Variants in DISP1 observed in about 807,000 individuals in gnomAD.
DISP1 encodes the protein protein dispatched homolog 1.
A neutral mutation model predicts 37.3 loss-of-function variants in DISP1; 30 were observed. That is an observed-to-expected ratio of 0.80 (90% CI 0.60 to 1.09). The LOEUF is 1.09. Among genes scored for constraint, DISP1 ranks in the 50% least tolerant of loss-of-function variants. The pLI is 0.00. For synonymous variants in DISP1, 634 were observed against 690.2 expected, an observed-to-expected ratio of 0.92 and a Z score of 1.28; for missense variants, 1,598 against 1,879.5, an observed-to-expected ratio of 0.85 and a Z score of 2.77.
At chr1:223,001,897 A>G (rs1679481358) in intron 8 of DISP1, among the ~76,000 whole-genome samples, 1 of 152,244 alleles carries the variant, frequency 6.6e-6, no homozygotes, top group Non-Finnish European at 1.5e-5. Context: ...TGACTGAAAT[A>G]TAGTACTTTA....
intron 5 of DISP1, among the ~76,000 whole-genome samples, 178 bp downstream of exon 5, chr1:222,990,926 A>G (rs1278643179): frequency 6.6e-6 from 1 of 152,228 alleles, no homozygotes; most frequent in Non-Finnish European, 1.5e-5. Context: ...TTAAAAGGTC[A>G]AGGAACTTGT....
At chr1:222,834,620 T>C (rs1666571961) in intron 1 of DISP1, among the ~76,000 whole-genome samples, 1 of 152,218 alleles carries the variant, frequency 6.6e-6, no homozygotes, top group South Asian at 2.1e-4. Context: ...TAAAAAATGG[T>C]ACCTTGTTTA....
intron 3 of DISP1, among the ~76,000 whole-genome samples, chr1:222,946,257 G>A (rs953070979): frequency 6.6e-5 from 10 of 150,912 alleles, no homozygotes; most frequent in Non-Finnish European, 1.3e-4. Flanking sequence ...GGTGGCGGGC[G>A]CCTGTAGTCC....
intron 1 of DISP1, among the ~76,000 whole-genome samples, chr1:222,839,943 A>T (rs1667486092): frequency 6.7e-6 from 1 of 148,270 alleles, no homozygotes; most frequent in South Asian, 2.1e-4. Context: ...AAAAAAAAAA[A>T]TGCATTTAGT....
chr1:222,960,841 T>A (rs1380608624), intron 3 of DISP1, among the ~76,000 whole-genome samples: 2 of 152,120 alleles, frequency 1.3e-5, no homozygotes, highest in African/African-American at 4.8e-5. Context: ...TAAACACCTC[T>A]ACACAAATAA....
At chr1:222,943,622 AT>A (rs1674545473) in intron 3 of DISP1, 3 of 466,266 alleles carry the variant, frequency 6.4e-6, no homozygotes, top group Non-Finnish European at 1.2e-5. Flanking sequence ...AAAAAGTTTT[AT>A]TGTTAGCAAT....
intron 1 of DISP1, among the ~76,000 whole-genome samples, chr1:222,879,510 T>C (rs1670156778): frequency 6.6e-6 from 1 of 152,160 alleles, no homozygotes; most frequent in Non-Finnish European, 1.5e-5. Context: ...ATAAAGAATA[T>C]TCATATATCA....
At chr1:222,844,562 C>A (rs1026380241) in intron 1 of DISP1, among the ~76,000 whole-genome samples, 1 of 152,058 alleles carries the variant, frequency 6.6e-6, no homozygotes, top group Non-Finnish European at 1.5e-5. Flanking sequence ...AGTGTTGTAA[C>A]TGAAACAAAA....
rs149481183 is a variant in DISP1 at position 222,917,287 on chromosome 1, C to T, written c.-158-11143C>T. Among the ~76,000 whole-genome samples, 1,076 of 152,244 alleles carry T rather than the reference C, an allele frequency of 7.1e-3. 8 individuals are homozygous for T. The highest frequency in any genetic ancestry group is 0.017 in the Middle Eastern group (5 of 294). ...TAACCGTAGTAACTGTGGCAAACTG[C>T]GGCAAGTGGCACCCAAACAGGGGCG... On this transcript the variant is annotated intron_variant, in intron 1 of 8. Transcript: ENST00000675850.
chr1:222,884,148 T>A (rs1409348684), intron 1 of DISP1, among the ~76,000 whole-genome samples: 5 of 152,172 alleles, frequency 3.3e-5, no homozygotes, highest in Non-Finnish European at 7.3e-5. Context: ...TCCCTTGAAA[T>A]TCTTATCCCT....
In DISP1 at chr1:222,901,497, TTTTG is replaced by T. The variant is rs371215213; in HGVS notation, c.-158-26913_-158-26910del. The stretch of plus-strand genomic sequence containing the variant: ...AGCTGAGGATGTAATACTTATAGAT[TTTTG>T]TTTGTTTGTTTGTTTGTTTTTTTGT... On this transcript the variant is annotated intron_variant, in intron 1 of 8. Transcript: ENST00000675850. Among the ~76,000 whole-genome samples, 1,074 of 151,846 alleles carry T rather than the reference TTTTG, an allele frequency of 7.1e-3. 8 individuals carry two copies. The highest frequency in any genetic ancestry group is 0.024 in the African/African-American group (974 of 41,420).
chr1:222,822,620 G>A (rs1663216074), intron 1 of DISP1, among the ~76,000 whole-genome samples: 1 of 151,470 alleles, frequency 6.6e-6, no homozygotes, highest in African/African-American at 2.5e-5. Context: ...AGCTAGAACA[G>A]CTTCATATAT....
chr1:222,989,783 G>C (rs1026772457), intron 4 of DISP1, among the ~76,000 whole-genome samples: 3 of 145,732 alleles, frequency 2.1e-5, no homozygotes, highest in Non-Finnish European at 4.5e-5. Context: ...AAAGTTACAG[G>C]TTTATGGGAA....
intron 3 of DISP1, among the ~76,000 whole-genome samples, chr1:222,961,498 C>T (rs1166685662): frequency 6.6e-6 from 1 of 152,096 alleles, no homozygotes; most frequent in African/African-American, 2.4e-5. Context: ...TGATAAAACC[C>T]ACAGCCAATA....
At chr1:222,831,832 A>T (rs1665828149) in intron 1 of DISP1, among the ~76,000 whole-genome samples, 1 of 152,162 alleles carries the variant, frequency 6.6e-6, no homozygotes, top group African/African-American at 2.4e-5. Flanking sequence ...AAAAGATAAG[A>T]TTGGGGCTAG....
intron 2 of DISP1, among the ~76,000 whole-genome samples, chr1:222,936,816 T>C (rs1242349727): frequency 2.8e-5 from 1 of 35,234 alleles, no homozygotes; most frequent in African/African-American, 9.1e-5. Context: ...ATATAAATTA[T>C]ATATAATATA....
chr1:222,863,868 T>G (rs1205039146), intron 1 of DISP1, among the ~76,000 whole-genome samples: 1 of 152,170 alleles, frequency 6.6e-6, no homozygotes, highest in African/African-American at 2.4e-5. Context: ...AATTTTTATC[T>G]TTTTTGGTGT....
At chr1:222,947,923 A>G (rs779853934) in intron 3 of DISP1, among the ~76,000 whole-genome samples, 20 of 152,254 alleles carry the variant, frequency 1.3e-4, no homozygotes, top group Non-Finnish European at 2.4e-4. Flanking sequence ...AACTTGAACC[A>G]TGATTTAGAA....
At chr1:222,916,345 CAGG>C (rs1221890095) in intron 1 of DISP1, among the ~76,000 whole-genome samples, 1 of 152,182 alleles carries the variant, frequency 6.6e-6, no homozygotes, top group Non-Finnish European at 1.5e-5. Context: ...GATCCACACC[CAGG>C]AGGTTCATTC....
Sources: gnomAD v4.1 joint callset for allele counts (sites outside exome capture counted in the v4.1 genomes callset) on GRCh38, gnomAD v4.1.1 for gene constraint, MANE v1.5 for transcripts, NCBI Gene and HGNC (gene_info 2026-07-23, HGNC 2026-07-21) for gene names.